SLC6A16: variants seen among roughly 807,000 people sequenced by gnomAD.
SLC6A16 encodes the protein solute carrier family 6 member 16.
SLC6A16 carries 54 observed loss-of-function variants against 65.4 expected under a neutral mutation model. That is an observed-to-expected ratio of 0.83 (90% CI 0.66 to 1.04). SLC6A16 has a LOEUF of 1.04. SLC6A16 is among the 50% of genes least tolerant of loss of function. SLC6A16 has a pLI of 0.00. For missense variants in SLC6A16, 816 were observed against 914.0 expected, an observed-to-expected ratio of 0.89 and a Z score of 1.38; for synonymous variants, 330 against 346.5, an observed-to-expected ratio of 0.95 and a Z score of 0.53.
At chr19:49,334,697 C>T in the SLC6A16 span, among the ~76,000 whole-genome samples, 3 of 150,850 alleles carry the variant, frequency 2.0e-5, no homozygotes, top group Non-Finnish European at 4.4e-5. Context: ...AAAAATACAA[C>T]ACTCCCACTC....
rs191294430 is a variant in SLC6A16, at chr19:49,312,804, T to C, written c.-64-1393A>G. The stretch of plus-strand genomic sequence containing the variant: ...AAGAGCTCTTTGTTACACAAGAAAA[T>C]GCTTATAATTCAATTACAGGTTAAA... On this transcript the variant is annotated intron_variant, in intron 1 of 11. Coordinates refer to ENST00000335875, the MANE Select transcript of SLC6A16 (RefSeq NM_014037.3). Among the ~76,000 whole-genome samples the C allele has an allele frequency of 1.7e-3, 265 of 152,126 alleles. 1 individual carries two copies. Among genetic ancestry groups the C allele is most frequent in the African/African-American group, 6.0e-3 (248 of 41,484 alleles).
chr19:49,313,652 C>T (rs896849596), intron 1 of SLC6A16, among the ~76,000 whole-genome samples: 54 of 150,236 alleles, frequency 3.6e-4, no homozygotes, highest in Admixed American at 6.0e-4. Flanking sequence ...AAAAAATAGC[C>T]GGACATGGTG....
At chr19:49,307,238 T>C (rs1440601597) in intron 7 of SLC6A16, among the ~76,000 whole-genome samples, 1 of 151,040 alleles carries the variant, frequency 6.6e-6, no homozygotes, top group Non-Finnish European at 1.5e-5. Context: ...TTTTTGAAAA[T>C]ACACAAAAAA....
chr19:49,309,807 T>G lies in SLC6A16; in HGVS notation c.720A>C (p.Thr240=). 6.2e-7 allele frequency: 1 copy of G among 1,612,220 alleles called. No individual in the cohort carries two copies. Among genetic ancestry groups the G allele is most frequent in the Non-Finnish European group, 8.5e-7 (1 of 1,178,516 alleles). Residue 240 remains threonine, a synonymous_variant, in exon 5 of 12, where the codon ACA becomes ACC. Coordinates refer to ENST00000335875, the MANE Select transcript of SLC6A16 (RefSeq NM_014037.3). The stretch of plus-strand genomic sequence containing the variant: ...GGTACCAGAAGTATATGGAGGGTGT[T>G]GTCCGTTCACATTCAGGATCTGGGG... ...SSGFDPECER[T]TPSIYFWYQQ...
chr19:49,309,909 C>T (rs1340947268), intron 4 of SLC6A16, 83 bp from the exon 5 acceptor site: 16 of 1,498,188 alleles, frequency 1.1e-5, no homozygotes, highest in Non-Finnish European at 1.5e-5. Context: ...TCCCTTTTCT[C>T]TTTCCCTCTC....
In SLC6A16 at chr19:49,309,717, C is replaced by A. The variant is rs1970472149; in HGVS notation, c.810G>T (p.Leu270=). Reference sequence around the variant, plus strand: ...CAAGACACCAGCAAAGAAAGAAGGGCAGGACCAGACTGTAGACTGGTGACC... The same window carrying A: ...CAAGACACCAGCAAAGAAAGAAGGGAAGGACCAGACTGTAGACTGGTGACC... ...DGGSPVYSLV[L]PFFLCWCLVG... The change falls in exon 5 of 12, where the codon CTG becomes CTT. Residue 270 remains leucine, a synonymous_variant. Transcript: ENST00000335875. 3 of 1,613,968 alleles carry A rather than the reference C, an allele frequency of 1.9e-6. No individual in the cohort carries two copies. Among genetic ancestry groups the A allele is most frequent in the Non-Finnish European group, 1.7e-6 (2 of 1,179,990 alleles).
At chr19:49,303,225 A>G (rs1171718865) in intron 7 of SLC6A16, among the ~76,000 whole-genome samples, 1 of 152,240 alleles carries the variant, frequency 6.6e-6, no homozygotes, top group African/African-American at 2.4e-5. Context: ...GAAAGAGAAA[A>G]GCATATCACA....
At chr19:49,297,870 G>GA (rs991541084) in intron 7 of SLC6A16, among the ~76,000 whole-genome samples, 9 of 150,532 alleles carry the variant, frequency 6.0e-5, no homozygotes, top group African/African-American at 9.8e-5. Context: ...TTACTCTGAA[G>GA]AAAAAAAAAG....
Position 49,310,430 on chromosome 19 carries a change from T to C in SLC6A16, c.496A>G (p.Ser166Gly), listed in dbSNP as rs774341539. Residue 166 changes from serine to glycine, a missense_variant, in exon 3 of 12, where the codon AGC (serine) becomes GGC (glycine). Ser to Gly is a moderately conservative substitution (Grantham distance 56). Coordinates refer to ENST00000335875, the MANE Select transcript of SLC6A16 (RefSeq NM_014037.3). ...ACACCCATGCCACCCTGACGCATGC[T>C]CTGACCAGCTGCCATCTCCAGGAAG... is the stretch of plus-strand genomic sequence containing the variant. ...LLFLEMAAGQ[S>G]MRQGGMGVWK... 6.2e-7 allele frequency: 1 copy of C among 1,614,050 alleles called. No individual in the cohort carries two copies. The highest frequency in any genetic ancestry group is 8.5e-7 in the Non-Finnish European group (1 of 1,179,994).
At chr19:49,340,124 T>A in the SLC6A16 span, 2 of 1,533,708 alleles carry the variant, frequency 1.3e-6, no homozygotes, top group Admixed American at 1.8e-5. Flanking sequence ...TTTCTACCTA[T>A]CCCCTTCTCC....
chr19:49,325,325 C>T, upstream of SLC6A16: 18 of 745,642 alleles, frequency 2.4e-5, no homozygotes, highest in South Asian at 6.0e-5. Context: ...CACACGCACG[C>T]ACGTGTGCAC....
chr19:49,329,960 G>A (rs753531610), upstream of SLC6A16, among the ~76,000 whole-genome samples: 10 of 152,048 alleles, frequency 6.6e-5, no homozygotes, highest in Non-Finnish European at 1.2e-4. Context: ...GGAAAGAAAA[G>A]TGTTTTTTAA....
At chr19:49,290,469 G>A in intron 11 of SLC6A16, 77 bp from the exon 12 acceptor site, 1 of 1,570,464 alleles carries the variant, frequency 6.4e-7, no homozygotes, top group Non-Finnish European at 8.7e-7. Flanking sequence ...GGGAAGGATG[G>A]GTGGGGAACC....
rs772939545 is a variant in SLC6A16, at chr19:49,290,586, G to A, written c.1941+19C>T. On this transcript the variant is annotated intron_variant, in intron 11 of 11. Coordinates refer to ENST00000335875, the MANE Select transcript of SLC6A16 (RefSeq NM_014037.3). ...GGCCCCTACTCCCAAAGGGGTTCTG[G>A]GTCCTGGGGGAGGCTCACGGTGCTT... The A allele has an allele frequency of 1.2e-6, 2 of 1,613,556 alleles. No homozygotes were observed. Among genetic ancestry groups the A allele is most frequent in the African/African-American group, 2.7e-5 (2 of 75,016 alleles).
intron 7 of SLC6A16, among the ~76,000 whole-genome samples, chr19:49,295,755 C>T (rs1970173747): frequency 6.6e-6 from 1 of 152,088 alleles, no homozygotes. Context: ...TTTTCAGATA[C>T]AAAAGGGGGC....
chr19:49,336,171 T>C, the SLC6A16 span: 173,044 of 233,098 alleles, frequency 0.74, 64,909 homozygotes, highest in South Asian at 0.83. Context: ...CCCTAAATAA[T>C]AATGAAATAT....
chr19:49,293,735 G>A (rs761048144), intron 9 of SLC6A16, 92 bp downstream of exon 9: 3 of 1,150,074 alleles, frequency 2.6e-6, no homozygotes, highest in Non-Finnish European at 3.9e-6. Context: ...CTGCACTCCA[G>A]CCTGGGCTAC....
At chr19:49,305,862 C>T (rs1970375858) in intron 7 of SLC6A16, 2 of 152,108 alleles carry the variant, frequency 1.3e-5, no homozygotes, top group East Asian at 1.9e-4. Flanking sequence ...ATATGTAGTA[C>T]ATCAGGAACA....
the SLC6A16 span, chr19:49,340,008 TGG>T: frequency 1.4e-6 from 2 of 1,459,336 alleles, no homozygotes; most frequent in Non-Finnish European, 1.8e-6. Flanking sequence ...TAAAGGACCC[TGG>T]GCTTGCTTCC....
Sources: allele counts gnomAD v4.1 joint callset (sites outside exome capture counted in the v4.1 genomes callset), GRCh38; gene constraint gnomAD v4.1.1; transcripts MANE v1.5; gene names NCBI Gene and HGNC (gene_info 2026-07-23, HGNC 2026-07-21).